DCX: variants seen among roughly 807,000 people sequenced by gnomAD.
The protein encoded by DCX is neuronal migration protein doublecortin.
In DCX, 4 loss-of-function variants were observed where a neutral mutation model predicts 20.9. That is an observed-to-expected ratio of 0.19 (90% confidence interval 0.09 to 0.44). DCX has a LOEUF of 0.44. Among genes scored for constraint, DCX ranks in the 20% least tolerant of loss-of-function variants. The pLI is 0.99. For synonymous variants in DCX, 103 were observed against 111.4 expected (o/e 0.92, Z 0.47); for missense variants, 133 against 296.9 (o/e 0.45, Z 4.06).
At chrX:111,357,201 A>G (rs920091186) in intron 3 of DCX, among the ~76,000 whole-genome samples, 1 of 111,924 alleles carries the variant, frequency 8.9e-6, no homozygotes, top group South Asian at 3.7e-4. Context: ...ATAGCATGAC[A>G]TAGTGCAAAG....
At chrX:111,371,201 C>A (rs1036249011) in intron 3 of DCX, among the ~76,000 whole-genome samples, 1 of 112,362 alleles carries the variant, frequency 8.9e-6, no homozygotes, top group African/African-American at 3.2e-5. Flanking sequence ...GACATACATA[C>A]ACCTGTATAA....
chrX:111,332,927 C>A (rs1008096108), intron 4 of DCX, 124 bp downstream of exon 4: 6 of 550,099 alleles, frequency 1.1e-5, no homozygotes, highest in Non-Finnish European at 1.9e-5. Context: ...AGGAGAAAGA[C>A]CAACATTATA....
At chrX:111,360,261 A>G (rs1462324703) in intron 3 of DCX, among the ~76,000 whole-genome samples, 2 of 112,458 alleles carry the variant, frequency 1.8e-5, no homozygotes, top group Non-Finnish European at 3.8e-5. Context: ...CTATTCAGTC[A>G]TAAAAAATAA....
At chrX:111,314,459 C>G (rs907341555) in intron 5 of DCX, among the ~76,000 whole-genome samples, 1 of 111,711 alleles carries the variant, frequency 9.0e-6, no homozygotes, top group Non-Finnish European at 1.9e-5. Flanking sequence ...CAAGAGGAGG[C>G]AACACCTGAG....
rs779219263 is a variant in DCX, at chrX:111,321,865, G to C, written c.946+9039C>G. 2.1e-3 allele frequency among the ~76,000 whole-genome samples: 231 copies of C among 111,944 alleles called. 1 individual carries two copies. Among genetic ancestry groups the C allele is most frequent in the Non-Finnish European group, 3.4e-3 (182 of 53,150 alleles). ...GGGCTCAAGTTTGCATGACCAGAAT[G>C]GTACAGAAAATAAAGGGACAGCTTG... On this transcript the variant is annotated intron_variant, in intron 5 of 6. Transcript: ENST00000636035.
At chrX:111,319,520 A>G (rs1418788292) in intron 5 of DCX, among the ~76,000 whole-genome samples, 10 of 112,465 alleles carry the variant, frequency 8.9e-5, no homozygotes, top group Non-Finnish European at 1.5e-4. Flanking sequence ...TCAAGGCACT[A>G]GGCTTTTTGT....
At chrX:111,400,270 G>A (rs1360685945) in intron 3 of DCX, among the ~76,000 whole-genome samples, 1 of 111,531 alleles carries the variant, frequency 9.0e-6, no homozygotes, top group African/African-American at 3.3e-5. Flanking sequence ...ACGCCTGGCT[G>A]CATTCTTTCC....
At chrX:111,308,939 C>T (rs1199803476) in intron 6 of DCX, among the ~76,000 whole-genome samples, 1 of 108,892 alleles carries the variant, frequency 9.2e-6, no homozygotes, top group Non-Finnish European at 1.9e-5. Flanking sequence ...TGTTGAATCA[C>T]ACTGGGACTG....
chrX:111,342,249 AAC>A (rs1922314182), intron 3 of DCX, among the ~76,000 whole-genome samples: 1 of 97,773 alleles, frequency 1.0e-5, no homozygotes, highest in Non-Finnish European at 2.1e-5. Flanking sequence ...TCTCTGACCA[AAC>A]AGACTTTAAA....
intron 3 of DCX, among the ~76,000 whole-genome samples, chrX:111,342,230 C>G (rs1287020679): frequency 1.1e-5 from 1 of 94,632 alleles, no homozygotes; most frequent in Non-Finnish European, 2.1e-5. Context: ...GCAGGAGTTG[C>G]AATCCCAGTC....
chrX:111,375,869 A>G (rs983815961), intron 3 of DCX, among the ~76,000 whole-genome samples: 1 of 112,108 alleles, frequency 8.9e-6, no homozygotes, highest in African/African-American at 3.2e-5. Context: ...TACCACAACA[A>G]TCCAGCTTCC....
Position 111,359,262 on chromosome X carries a change from C to A in DCX, c.706-26109G>T, listed in dbSNP as rs1325753832. Among the ~76,000 whole-genome samples, 11 of 111,645 alleles carry A rather than the reference C, an allele frequency of 9.9e-5. 1 individual carries two copies. Among genetic ancestry groups the A allele is most frequent in the South Asian group, 3.8e-4 (1 of 2,634 alleles). On this transcript the variant is annotated intron_variant, in intron 3 of 6. Coordinates refer to ENST00000636035, the MANE Select transcript of DCX (RefSeq NM_001195553.2). ...ATGAATAGAGAGTCCAGAAACAGAA[C>A]AATGTACACATGGAAGTTTATTGTG...
At chrX:111,310,788 G>T (rs2095056187) in intron 6 of DCX, among the ~76,000 whole-genome samples, 1 of 112,353 alleles carries the variant, frequency 8.9e-6, no homozygotes, top group Non-Finnish European at 1.9e-5. Flanking sequence ...TCCTTCAATG[G>T]TTAGAATTGA....
Position 111,296,113 on chromosome X carries a change from G to C in DCX, c.*5574C>G, listed in dbSNP as rs1366304445. 1 of 112,069 alleles carries C rather than the reference G, an allele frequency of 8.9e-6. No individual in the cohort carries two copies. Among genetic ancestry groups the C allele is most frequent in the Non-Finnish European group, 1.9e-5 (1 of 53,242 alleles). The allele number at this position is 112,069 out of a possible 1,213,427, so 9.2% of individuals were successfully genotyped here. A position where few individuals can be genotyped will look rare whatever the true frequency, so the allele number is the denominator to read the frequency against. On this transcript the variant is annotated 3_prime_UTR_variant, in exon 7 of 7. Transcript: ENST00000636035. ...GATGGATGTTTGTACTGTGGAAAGA[G>C]AGACTGATAACATAGAATATAAACT...
intron 3 of DCX, 94 bp downstream of exon 3, chrX:111,400,896 G>A: frequency 2.4e-6 from 2 of 819,798 alleles, no homozygotes; most frequent in South Asian, 4.3e-5. Flanking sequence ...AGATGTGGAG[G>A]AAGAGTCCGT....
In DCX at chrX:111,335,965, G is replaced by T. The variant is rs1603416083; in HGVS notation, c.706-2812C>A. ...GAGACTCCGAAAAAAAAGAAAGAAA[G>T]AAAGAAAGAAAAGTCTCAATAATTA... On this transcript the variant is annotated intron_variant, in intron 3 of 6. Transcript: ENST00000636035. Among the ~76,000 whole-genome samples the T allele has an allele frequency of 2.7e-5, 3 of 110,583 alleles. 1 individual carries two copies. In the Admixed American group the frequency reaches 2.9e-4, roughly 11 times the overall value.
At chrX:111,405,049 G>C (rs889280586) in intron 2 of DCX, among the ~76,000 whole-genome samples, 1 of 112,406 alleles carries the variant, frequency 8.9e-6, no homozygotes, top group Non-Finnish European at 1.9e-5. Flanking sequence ...CCTGCTTTAG[G>C]GTGAGGGGAT....
chrX:111,312,905 A>G (rs1200225148), intron 5 of DCX, among the ~76,000 whole-genome samples, 169 bp from the exon 6 acceptor site: 5 of 112,074 alleles, frequency 4.5e-5, no homozygotes, highest in Non-Finnish European at 7.5e-5. Context: ...CAAAAGGGCA[A>G]GAACTGCAAT....
intron 3 of DCX, among the ~76,000 whole-genome samples, chrX:111,341,799 A>C (rs1922263142): frequency 9.0e-6 from 1 of 111,425 alleles, no homozygotes; most frequent in Non-Finnish European, 1.9e-5. Flanking sequence ...AAGGAGAAAT[A>C]AAATCATTTC....
Sources: gnomAD v4.1 joint callset for allele counts (sites outside exome capture counted in the v4.1 genomes callset) on GRCh38, gnomAD v4.1.1 for gene constraint, MANE v1.5 for transcripts, NCBI Gene and HGNC (gene_info 2026-07-23, HGNC 2026-07-21) for gene names.